CLCN5: variants seen among roughly 807,000 people sequenced by gnomAD.
CLCN5 encodes Cl-/H+ antiporter 5.
In CLCN5, 17 loss-of-function variants were observed where a neutral mutation model predicts 54.0. The observed-to-expected ratio is 0.31, with a 90% CI of 0.22 to 0.47. The LOEUF is 0.47. Among genes scored for constraint, CLCN5 ranks in the 20% least tolerant of loss-of-function variants. The pLI, the probability that CLCN5 is intolerant of heterozygous loss-of-function variation, is 1.00. For missense variants in CLCN5, 448 were observed against 646.7 expected (o/e 0.69, Z 3.33); for synonymous variants, 222 against 233.0 (o/e 0.95, Z 0.43).
intron 3 of CLCN5, among the ~76,000 whole-genome samples, chrX:49,974,457 G>T (rs1928384494): frequency 9.2e-6 from 1 of 109,101 alleles, no homozygotes; most frequent in Non-Finnish European, 1.9e-5. Flanking sequence ...ACTCCTGCCA[G>T]GGATGCTCTG....
intron 4 of CLCN5, chrX:50,069,507 G>C: frequency 5.2e-6 from 4 of 767,112 alleles, no homozygotes; most frequent in Non-Finnish European, 6.2e-6. Flanking sequence ...TTCTTGATGT[G>C]ATATGGCTGC....
Position 50,090,432 on chromosome X carries a change from C to A in CLCN5, c.2061C>A (p.Tyr687Ter). Residue 687 changes from tyrosine to a stop codon, truncating the protein, a stop_gained, in exon 13 of 15, where the codon TAC becomes TAA. Coordinates refer to ENST00000376091, the MANE Select transcript of CLCN5 (RefSeq NM_001127898.4). LOFTEE classifies it high-confidence loss of function. The stretch of plus-strand genomic sequence containing the variant: ...AGACCATAATCAGTGAAACCACTTA[C>A]AGTGGCTTCCCAGTGGTGGTATCCC... ...DVETIISETT[Y>*]SGFPVVVSRE... The A allele has an allele frequency of 8.3e-7, 1 of 1,207,457 alleles. No homozygotes were observed. The highest frequency in any genetic ancestry group is 1.1e-6 in the Non-Finnish European group (1 of 891,892).
rs1230521693 is a variant in CLCN5 at position 50,087,347 on chromosome X, ATAT to A, written c.1557+478_1557+480del. Among the ~76,000 whole-genome samples, 434 of 111,438 alleles carry A rather than the reference ATAT, an allele frequency of 3.9e-3. 2 individuals are homozygous for A. The highest frequency in any genetic ancestry group is 7.0e-3 in the Non-Finnish European group (372 of 53,054). On this transcript the variant is annotated intron_variant, in intron 11 of 14. Transcript: ENST00000376091. ...TGGCAATTTCCTGTGGTTCAACCCA[ATAT>A]ATAGCTAAATATAGTTTTTTACAGT...
At chrX:50,041,824 A>T (rs1932226894) in intron 3 of CLCN5, among the ~76,000 whole-genome samples, 1 of 112,113 alleles carries the variant, frequency 8.9e-6, no homozygotes, top group South Asian at 3.7e-4. Context: ...GAAAGAAGAC[A>T]TAAGACTAAG....
At chrX:50,008,158 A>G (rs1557181784) in intron 3 of CLCN5, among the ~76,000 whole-genome samples, 2 of 112,335 alleles carry the variant, frequency 1.8e-5, no homozygotes, top group Non-Finnish European at 1.9e-5. Context: ...CTTGTTGCAT[A>G]GTCACACAAA....
chrX:50,070,857 A>G (rs2147546036), intron 5 of CLCN5, among the ~76,000 whole-genome samples: 1 of 111,337 alleles, frequency 9.0e-6, no homozygotes, highest in East Asian at 2.8e-4. Context: ...GCTGTGTATC[A>G]TTTAAATTAG....
chrX:49,994,243 A>G (rs1929399963), intron 3 of CLCN5, among the ~76,000 whole-genome samples: 1 of 111,122 alleles, frequency 9.0e-6, no homozygotes, highest in Non-Finnish European at 1.9e-5. Flanking sequence ...GAGAGCAGGA[A>G]TAGATTTTTA....
chrX:50,015,545 A>C (rs1446231866), intron 3 of CLCN5, among the ~76,000 whole-genome samples: 2 of 108,821 alleles, frequency 1.8e-5, no homozygotes, highest in East Asian at 5.8e-4. Flanking sequence ...GAGATGGACT[A>C]TACATGTCTC....
At chrX:50,077,813 A>C (rs1270032337) in intron 7 of CLCN5, among the ~76,000 whole-genome samples, 1 of 18,288 alleles carries the variant, frequency 5.5e-5, no homozygotes, top group East Asian at 8.8e-4. Flanking sequence ...CTGTCTCTAC[A>C]AAAAAAAAAA....
intron 4 of CLCN5, among the ~76,000 whole-genome samples, chrX:50,057,705 G>A (rs1165661381): frequency 9.6e-6 from 1 of 103,860 alleles, no homozygotes; most frequent in Non-Finnish European, 2.0e-5. Context: ...TAGTTTCTTA[G>A]ATGGGAGGGC....
intron 5 of CLCN5, among the ~76,000 whole-genome samples, chrX:50,072,167 G>T (rs1933240888): frequency 8.9e-6 from 1 of 111,933 alleles, no homozygotes; most frequent in African/African-American, 3.3e-5. Context: ...TGAGTCAAGA[G>T]ATTGCCCTTG....
chrX:49,985,741 A>G (rs1313683187), intron 3 of CLCN5, among the ~76,000 whole-genome samples: 3 of 110,837 alleles, frequency 2.7e-5, no homozygotes, highest in Non-Finnish European at 3.8e-5. Context: ...TGCTCTTTTT[A>G]TTTGCATTAA....
chrX:49,969,088 T>C (rs535445907), intron 3 of CLCN5, among the ~76,000 whole-genome samples: 66 of 111,248 alleles, frequency 5.9e-4, no homozygotes, highest in South Asian at 3.4e-3. Flanking sequence ...TTCTTTCTTT[T>C]TTTTTTTGAG....
rs781785715 is a variant in CLCN5 at position 49,939,398 on chromosome X, G to A, written c.16+14084G>A. Among the ~76,000 whole-genome samples, 366 of 110,944 alleles carry A rather than the reference G, an allele frequency of 3.3e-3. 3 individuals are homozygous for A. The highest frequency in any genetic ancestry group is 0.012 in the African/African-American group (353 of 30,328). ...GACTTGGAACCAACCCAAGTGTCCA[G>A]CAATGATAGACCGGATTAAGAAAAT... On this transcript the variant is annotated intron_variant, in intron 3 of 14. Transcript: ENST00000376091.
intron 3 of CLCN5, among the ~76,000 whole-genome samples, chrX:49,995,159 T>G (rs782491707): frequency 9.0e-6 from 1 of 111,224 alleles, no homozygotes; most frequent in Admixed American, 9.6e-5. Flanking sequence ...ACACCTTAGG[T>G]GGGTGGTTGG....
In CLCN5 at chrX:49,966,830, T is replaced by C. The variant is rs1386857157; in HGVS notation, c.16+41516T>C. 6.6e-4 allele frequency among the ~76,000 whole-genome samples: 11 copies of C among 16,652 alleles called. 1 individual carries two copies. Among genetic ancestry groups the C allele is most frequent in the African/African-American group, 1.4e-3 (2 of 1,463 alleles). 14.5% of individuals were successfully genotyped at this position (16,652 alleles called of 115,157 possible). A position where few individuals can be genotyped will look rare whatever the true frequency, so the allele number is the denominator to read the frequency against. ...CCCTTCCTGTGTCCATGTGATCTCA[T>C]TGTTCAATTCCCACCTATGAGTGAG... On this transcript the variant is annotated intron_variant, in intron 3 of 14. Transcript: ENST00000376091.
chrX:49,985,245 TC>T, intron 3 of CLCN5, among the ~76,000 whole-genome samples: 1 of 111,555 alleles, frequency 9.0e-6, no homozygotes, highest in East Asian at 2.8e-4. Flanking sequence ...AGTTCTTTAT[TC>T]AGTTGCCATT....
intron 3 of CLCN5, among the ~76,000 whole-genome samples, chrX:49,932,215 C>G (rs1305351237): frequency 8.9e-6 from 1 of 111,845 alleles, no homozygotes; most frequent in Admixed American, 9.4e-5. Flanking sequence ...CATGCCTGGA[C>G]CCATCTCTCT....
chrX:49,924,145 A>ATT lies in CLCN5; in HGVS notation c.-129+679_-129+680dup, dbSNP rs34424526. 8.5e-4 allele frequency among the ~76,000 whole-genome samples: 72 copies of ATT among 84,469 alleles called. No individual in the cohort carries two copies. In the South Asian group the frequency reaches 0.01, roughly 12 times the overall value. The allele number at this position is 84,469 out of a possible 115,157, so 73.4% of individuals were successfully genotyped here. A position where few individuals can be genotyped will look rare whatever the true frequency, so the allele number is the denominator to read the frequency against. The stretch of plus-strand genomic sequence containing the variant: ...ATTTTTTCTCCCATTCCTAGCTCCT[A>ATT]TTTTTTTTTTTTTTTTTGGTTTGAG... On this transcript the variant is annotated intron_variant, in intron 2 of 14. Coordinates refer to ENST00000376091, the MANE Select transcript of CLCN5 (RefSeq NM_001127898.4).
Sources: gnomAD v4.1 joint callset for allele counts (sites outside exome capture counted in the v4.1 genomes callset) on GRCh38, gnomAD v4.1.1 for gene constraint, MANE v1.5 for transcripts, NCBI Gene and HGNC (gene_info 2026-07-23, HGNC 2026-07-21) for gene names.